SLC8A1: variants seen among roughly 807,000 people sequenced by gnomAD.
SLC8A1 encodes sodium/calcium exchanger 1.
Under a neutral mutation model 68.3 loss-of-function variants are expected in SLC8A1, and 18 were observed. The observed-to-expected ratio is 0.26, with a 90% CI of 0.18 to 0.39. The LOEUF (loss-of-function observed/expected upper bound fraction) is 0.39, where lower values mean the gene tolerates loss of function less well. Ranked by LOEUF, SLC8A1 falls within the 10% of genes least tolerant of loss-of-function variation. The pLI, the probability that SLC8A1 is intolerant of heterozygous loss-of-function variation, is 1.00. For synonymous variants in SLC8A1, 475 were observed against 415.5 expected (o/e 1.14, Z -1.74); for missense variants, 985 against 1,156.7 (o/e 0.85, Z 2.15).
exon 8 of SLC8A1, chr2:40,108,337 G>A (rs1057359347): frequency 6.6e-6 from 1 of 152,094 alleles, no homozygotes; most frequent in African/African-American, 2.4e-5. Context: ...GCCCAACTTT[G>A]ATTTTCATAT....
chr2:40,268,694 T>C (rs142075432), intron 2 of SLC8A1, among the ~76,000 whole-genome samples: 61 of 152,300 alleles, frequency 4.0e-4, no homozygotes, highest in African/African-American at 1.5e-3. Context: ...CTGGGAATTA[T>C]TCCATTGTAT....
chr2:40,194,028 T>G (rs1340783374), intron 2 of SLC8A1, among the ~76,000 whole-genome samples: 1 of 152,146 alleles, frequency 6.6e-6, no homozygotes, highest in Non-Finnish European at 1.5e-5. Flanking sequence ...TGAGTTCCTC[T>G]GCCAAGATCA....
intron 1 of SLC8A1, among the ~76,000 whole-genome samples, chr2:40,479,149 T>C (rs1428920858): frequency 2.0e-5 from 3 of 152,214 alleles, no homozygotes; most frequent in African/African-American, 7.2e-5. Flanking sequence ...TGTACAAAGA[T>C]TTAGACATGT....
At chr2:40,186,072 T>G (rs749872319) in intron 2 of SLC8A1, among the ~76,000 whole-genome samples, 26 of 152,206 alleles carry the variant, frequency 1.7e-4, no homozygotes, top group Non-Finnish European at 3.5e-4. Flanking sequence ...TTCTGGTGGC[T>G]GTTACCTCAG....
chr2:40,435,822 C>G (rs568715034), intron 1 of SLC8A1, among the ~76,000 whole-genome samples: 2 of 152,220 alleles, frequency 1.3e-5, no homozygotes, highest in East Asian at 1.9e-4. Context: ...GTCGCCCAGG[C>G]TGGAGTGCAG....
At chr2:40,129,854 C>T (rs1276428446) in intron 7 of SLC8A1, among the ~76,000 whole-genome samples, 2 of 152,282 alleles carry the variant, frequency 1.3e-5, no homozygotes, top group East Asian at 1.9e-4. Context: ...ATTTTTAGCT[C>T]TCTTCTCTTA....
chr2:40,417,870 TACACAC>T (rs70957174), intron 2 of SLC8A1, among the ~76,000 whole-genome samples: 2 of 147,164 alleles, frequency 1.4e-5, no homozygotes, highest in East Asian at 2.0e-4. Flanking sequence ...CTTGGATGGA[TACACAC>T]ACACACACAC....
chr2:40,420,609 C>G (rs759404651), intron 2 of SLC8A1, among the ~76,000 whole-genome samples: 2 of 152,178 alleles, frequency 1.3e-5, no homozygotes, highest in African/African-American at 4.8e-5. Context: ...TAAGCATTCC[C>G]TTGCCTCTCA....
chr2:40,200,172 T>TGA (rs145829449), intron 2 of SLC8A1, among the ~76,000 whole-genome samples: 15,931 of 27,540 alleles, frequency 0.58, 4,444 homozygotes, highest in Admixed American at 0.67. Context: ...TTCAAGTCAT[T>TGA]GATATATATA....
At chr2:40,123,730 C>A (rs1450571063) in intron 7 of SLC8A1, among the ~76,000 whole-genome samples, 1 of 152,098 alleles carries the variant, frequency 6.6e-6, no homozygotes, top group Non-Finnish European at 1.5e-5. Context: ...CAAAAAGAAT[C>A]ATAAGATTTA....
intron 1 of SLC8A1, among the ~76,000 whole-genome samples, chr2:40,510,197 T>C (rs1706629969): frequency 6.6e-6 from 1 of 152,184 alleles, no homozygotes; most frequent in African/African-American, 2.4e-5. Flanking sequence ...TCTCAAAATA[T>C]GATTTCTTTA....
In SLC8A1 at chr2:40,285,757, T is replaced by A. The variant is rs74621223; in HGVS notation, c.1809-107902A>T. 7.8e-3 allele frequency among the ~76,000 whole-genome samples: 1,192 copies of A among 152,306 alleles called. 11 individuals are homozygous for A. The highest frequency in any genetic ancestry group is 0.028 in the African/African-American group (1,145 of 41,564). Reference sequence around the variant, plus strand: ...ATTTCTCTTCACTAGTCATTCATAATGTGGTTTTTAACAACAAAATAATTA... The same window carrying A: ...ATTTCTCTTCACTAGTCATTCATAAAGTGGTTTTTAACAACAAAATAATTA... On this transcript the variant is annotated intron_variant, in intron 2 of 7. Transcript: ENST00000406785.
intron 2 of SLC8A1, among the ~76,000 whole-genome samples, chr2:40,276,407 C>T (rs1401668383): frequency 6.6e-6 from 1 of 152,206 alleles, no homozygotes; most frequent in Non-Finnish European, 1.5e-5. Flanking sequence ...ATGAGAACAA[C>T]AAGCAAGCCC....
intron 2 of SLC8A1, among the ~76,000 whole-genome samples, chr2:40,273,146 T>G (rs1203549502): frequency 1.3e-5 from 2 of 152,148 alleles, no homozygotes; most frequent in Non-Finnish European, 2.9e-5. Context: ...TTTCACCATG[T>G]TGGTCAGGCT....
chr2:40,331,348 T>C (rs894379496), intron 2 of SLC8A1, among the ~76,000 whole-genome samples: 1 of 152,186 alleles, frequency 6.6e-6, no homozygotes, highest in Non-Finnish European at 1.5e-5. Context: ...TCATAGAATA[T>C]TCATAGAATC....
intron 2 of SLC8A1, among the ~76,000 whole-genome samples, chr2:40,194,506 T>TGTGTGTGCGC (rs963279052): frequency 0.01 from 1,352 of 131,880 alleles, 26 homozygotes; most frequent in African/African-American, 0.034. Flanking sequence ...TGTGTGTGTG[T>TGTGTGTGCGC]GCGCGCGCAA....
chr2:40,437,709 T>A (rs560167481), intron 1 of SLC8A1, among the ~76,000 whole-genome samples: 1 of 152,244 alleles, frequency 6.6e-6, no homozygotes, highest in African/African-American at 2.4e-5. Context: ...AAAAATTTAC[T>A]GTCTTGGGGG....
At chr2:40,427,455 T>C (rs1283402223) in intron 2 of SLC8A1, among the ~76,000 whole-genome samples, 1 of 152,134 alleles carries the variant, frequency 6.6e-6, no homozygotes, top group African/African-American at 2.4e-5. Flanking sequence ...TCATTCATTT[T>C]AACGTCGTTT....
intron 2 of SLC8A1, among the ~76,000 whole-genome samples, chr2:40,294,685 T>C (rs938829220): frequency 6.6e-6 from 1 of 152,138 alleles, no homozygotes; most frequent in Non-Finnish European, 1.5e-5. Context: ...TTAAAAAACA[T>C]CTCAATCATT....
Sources: allele counts gnomAD v4.1 joint callset (sites outside exome capture counted in the v4.1 genomes callset), GRCh38; gene constraint gnomAD v4.1.1; transcripts MANE v1.5; gene names NCBI Gene and HGNC (gene_info 2026-07-23, HGNC 2026-07-21).